NDFIP1: variants seen among roughly 807,000 people sequenced by gnomAD.
The protein encoded by NDFIP1 is Nedd4 family interacting protein 1.
In NDFIP1, 7 loss-of-function variants were observed where a neutral mutation model predicts 28.8. The observed-to-expected ratio is 0.24, with a 90% CI of 0.14 to 0.46. The LOEUF is 0.46. Ranked by LOEUF, NDFIP1 falls within the 20% of genes least tolerant of loss-of-function variation. The pLI, the probability that NDFIP1 is intolerant of heterozygous loss-of-function variation, is 0.99. For missense variants in NDFIP1, 194 were observed against 269.1 expected, an observed-to-expected ratio of 0.72 and a Z score of 1.95; for synonymous variants, 92 against 101.0, an observed-to-expected ratio of 0.91 and a Z score of 0.53.
intron 1 of NDFIP1, among the ~76,000 whole-genome samples, chr5:142,114,462 A>G (rs761144778): frequency 2.0e-5 from 3 of 152,132 alleles, no homozygotes; most frequent in South Asian, 2.1e-4. Flanking sequence ...TACATTTTCA[A>G]CTTTTTACTA....
rs998184774 is a variant in NDFIP1 at position 142,132,206 on chromosome 5, C to T, written c.152-6C>T. The T allele has an allele frequency of 6.2e-7, 1 of 1,605,294 alleles. No homozygotes were observed. Among genetic ancestry groups the T allele is most frequent in the Non-Finnish European group, 8.5e-7 (1 of 1,177,926 alleles). On this transcript the variant is annotated splice_region_variant and splice_polypyrimidine_tract_variant and intron_variant, in intron 2 of 7. Transcript: ENST00000253814. Reference sequence around the variant, plus strand: ...TCAAAAAATTGTGACTGTTAAAATTCTGCAGCATATTTTGACTACAAGGAT... The same window carrying T: ...TCAAAAAATTGTGACTGTTAAAATTTTGCAGCATATTTTGACTACAAGGAT...
chr5:142,122,693 G>T (rs190307651), intron 1 of NDFIP1, among the ~76,000 whole-genome samples: 10 of 152,168 alleles, frequency 6.6e-5, no homozygotes, highest in Admixed American at 3.9e-4. Flanking sequence ...ATCATCTGTG[G>T]TTTTAATTTT....
chr5:142,142,725 C>T (rs1596794237), intron 6 of NDFIP1, among the ~76,000 whole-genome samples: 1 of 151,548 alleles, frequency 6.6e-6, no homozygotes, highest in Admixed American at 6.6e-5. Flanking sequence ...GTCAGGAGTT[C>T]GAGACCAGCA....
intron 1 of NDFIP1, among the ~76,000 whole-genome samples, chr5:142,123,274 T>G (rs1215589749): frequency 1.3e-5 from 2 of 152,062 alleles, no homozygotes; most frequent in Non-Finnish European, 2.9e-5. Flanking sequence ...AAACAAGTGA[T>G]TTTTAAAATT....
chr5:142,151,418 C>T (rs1596798041), intron 7 of NDFIP1, among the ~76,000 whole-genome samples: 1 of 152,258 alleles, frequency 6.6e-6, no homozygotes, highest in East Asian at 1.9e-4. Flanking sequence ...TGACAGCGTT[C>T]AGTGTGGGAT....
intron 2 of NDFIP1, 124 bp from the exon 3 acceptor site, chr5:142,132,088 T>C: frequency 8.4e-7 from 1 of 1,192,124 alleles, no homozygotes; most frequent in Non-Finnish European, 1.2e-6. Flanking sequence ...GAATGTCTTT[T>C]GGTTCAATTG....
chr5:142,116,794 T>G (rs1360197056), intron 1 of NDFIP1, among the ~76,000 whole-genome samples: 1 of 152,130 alleles, frequency 6.6e-6, no homozygotes, highest in Non-Finnish European at 1.5e-5. Context: ...CACTGCAATC[T>G]CCGCCTCCTG....
chr5:142,124,982 C>G (rs557941823), intron 1 of NDFIP1, among the ~76,000 whole-genome samples: 2 of 152,138 alleles, frequency 1.3e-5, no homozygotes, highest in Non-Finnish European at 2.9e-5. Flanking sequence ...CCCACCATCA[C>G]GCCCAGCTAA....
intron 7 of NDFIP1, among the ~76,000 whole-genome samples, chr5:142,149,933 G>A (rs1267874616): frequency 2.0e-5 from 3 of 152,184 alleles, no homozygotes; most frequent in African/African-American, 7.2e-5. Flanking sequence ...TGTAATCCCA[G>A]CACTTTGGGA....
intron 4 of NDFIP1, among the ~76,000 whole-genome samples, chr5:142,137,096 G>T (rs1349247976): frequency 1.3e-5 from 2 of 151,332 alleles, no homozygotes; most frequent in African/African-American, 4.8e-5. Flanking sequence ...AAAAAAAGCA[G>T]AGGTTGTAAG....
chr5:142,116,703 TTTTA>T (rs1372187022), intron 1 of NDFIP1, among the ~76,000 whole-genome samples: 1 of 151,868 alleles, frequency 6.6e-6, no homozygotes, highest in African/African-American at 2.4e-5. Context: ...TCCTCTTCTT[TTTTA>T]TTTATTTATT....
chr5:142,128,842 T>A (rs1285206913), intron 1 of NDFIP1, among the ~76,000 whole-genome samples: 2 of 152,196 alleles, frequency 1.3e-5, no homozygotes, highest in Non-Finnish European at 2.9e-5. Flanking sequence ...TGAAAATTGG[T>A]GGTTCTAAGA....
Position 142,108,813 on chromosome 5 carries a change from T to G in NDFIP1, c.-162T>G, listed in dbSNP as rs922224357. 4 of 512,462 alleles carry G rather than the reference T, an allele frequency of 7.8e-6. No individual in the cohort carries two copies. The highest frequency in any genetic ancestry group is 5.8e-4 in the Middle Eastern group (1 of 1,722). 31.7% of individuals were successfully genotyped at this position (512,462 alleles called of 1,614,324 possible). On this transcript the variant is annotated 5_prime_UTR_variant, in exon 1 of 8. Transcript: ENST00000253814. ...GTCGGAGCCTCGGCGGCGGCGGCGGTGCTTACAGCCTGAGAAGAGCGTCTC... is the reference window on the plus strand; with the variant it reads ...GTCGGAGCCTCGGCGGCGGCGGCGGGGCTTACAGCCTGAGAAGAGCGTCTC...
intron 1 of NDFIP1, among the ~76,000 whole-genome samples, chr5:142,117,005 C>T (rs2126910952): frequency 6.6e-6 from 1 of 152,266 alleles, no homozygotes. Flanking sequence ...GCCACCGTGC[C>T]CGGCCCATAT....
chr5:142,128,025 T>G (rs1366074291), intron 1 of NDFIP1, among the ~76,000 whole-genome samples: 2 of 152,134 alleles, frequency 1.3e-5, no homozygotes, highest in African/African-American at 4.8e-5. Context: ...AAAAATCCAG[T>G]GTCCAACAGC....
In NDFIP1 at chr5:142,108,957, C is replaced by T. The variant is rs1053040232; in HGVS notation, c.-18C>T. ...CTAGCTCGCTCGCTCGCTCTGCTTCCCTGCTGCCGGCTGCGCCATGGCGTT... is the reference window on the plus strand; with the variant it reads ...CTAGCTCGCTCGCTCGCTCTGCTTCTCTGCTGCCGGCTGCGCCATGGCGTT... On this transcript the variant is annotated 5_prime_UTR_variant, in exon 1 of 8. Coordinates refer to ENST00000253814, the MANE Select transcript of NDFIP1 (RefSeq NM_030571.4). The T allele has an allele frequency of 7.0e-6, 10 of 1,434,196 alleles. No individual in the cohort carries two copies. Among genetic ancestry groups the T allele is most frequent in the Middle Eastern group, 2.4e-4 (1 of 4,190 alleles). 88.8% of individuals were successfully genotyped at this position (1,434,196 alleles called of 1,614,324 possible).
intron 3 of NDFIP1, 67 bp from the exon 4 acceptor site, chr5:142,135,663 A>C (rs1425380651): frequency 1.6e-5 from 23 of 1,420,120 alleles, no homozygotes; most frequent in Middle Eastern, 1.8e-4. Context: ...TGCTACTCAA[A>C]TTTAACCCTT....
chr5:142,147,379 A>G (rs1398682689), intron 7 of NDFIP1, among the ~76,000 whole-genome samples: 2 of 152,218 alleles, frequency 1.3e-5, no homozygotes, highest in South Asian at 2.1e-4. Context: ...TAATTTTGTT[A>G]GAAGACATAC....
intron 7 of NDFIP1, 47 bp downstream of exon 7, chr5:142,144,723 C>T (rs568006525): frequency 4.1e-6 from 5 of 1,215,978 alleles, no homozygotes; most frequent in Middle Eastern, 2.1e-4. Context: ...CCATGTGCTA[C>T]ATTGTAGATT....
Sources: gnomAD v4.1 joint callset for allele counts (sites outside exome capture counted in the v4.1 genomes callset) on GRCh38, gnomAD v4.1.1 for gene constraint, MANE v1.5 for transcripts, NCBI Gene and HGNC (gene_info 2026-07-23, HGNC 2026-07-21) for gene names.